CSMD1: variants seen among roughly 807,000 people sequenced by gnomAD.
The protein encoded by CSMD1 is CUB and Sushi multiple domains 1, also known as CUB and sushi domain-containing protein 1.
CSMD1 carries 213 observed loss-of-function variants against 417.5 expected under a neutral mutation model. The ratio of observed to expected loss-of-function variants is 0.51; its 90% CI spans 0.46 to 0.57. The LOEUF (loss-of-function observed/expected upper bound fraction) is 0.57. Among genes scored for constraint, CSMD1 ranks in the 20% least tolerant of loss-of-function variants. The probability of loss-of-function intolerance (pLI) is 0.00; values close to 1 mark genes in which losing one functional copy is unlikely to be tolerated. For synonymous variants in CSMD1, 2,862 were observed against 1,736.8 expected (o/e 1.65, Z -16.11); for missense variants, 6,923 against 4,529.7 (o/e 1.53, Z -15.17).
intron 3 of CSMD1, among the ~76,000 whole-genome samples, chr8:4,233,219 T>C (rs910399655): frequency 1.3e-5 from 2 of 152,226 alleles, no homozygotes; most frequent in African/African-American, 4.8e-5. Flanking sequence ...TTTTTTCTTT[T>C]TCTTTTTGAA....
At chr8:3,355,985 A>T (rs2117689690) in intron 21 of CSMD1, among the ~76,000 whole-genome samples, 1 of 152,304 alleles carries the variant, frequency 6.6e-6, no homozygotes, top group Non-Finnish European at 1.5e-5. Flanking sequence ...AAAACCCTAA[A>T]ATGAATAAAC....
intron 1 of CSMD1, among the ~76,000 whole-genome samples, chr8:4,704,352 G>A (rs1030837187): frequency 7.2e-5 from 11 of 152,288 alleles, no homozygotes; most frequent in Non-Finnish European, 1.3e-4. Flanking sequence ...TCTGGGACTT[G>A]ATTACAGTAC....
At chr8:3,310,042 A>C (rs1428829694) in intron 23 of CSMD1, among the ~76,000 whole-genome samples, 2 of 152,260 alleles carry the variant, frequency 1.3e-5, no homozygotes, top group East Asian at 3.8e-4. Flanking sequence ...CCTGGAATTC[A>C]AGAACAGAAG....
At chr8:3,431,221 C>T (rs1025209634) in intron 12 of CSMD1, among the ~76,000 whole-genome samples, 23 of 152,126 alleles carry the variant, frequency 1.5e-4, no homozygotes, top group African/African-American at 4.3e-4. Flanking sequence ...GACACAGGTC[C>T]ATGCAACAGC....
chr8:2,967,737 A>C (rs1349223088), intron 57 of CSMD1, among the ~76,000 whole-genome samples: 1 of 152,220 alleles, frequency 6.6e-6, no homozygotes, highest in African/African-American at 2.4e-5. Context: ...AACAATTTCA[A>C]ATCTGGCCTG....
intron 3 of CSMD1, among the ~76,000 whole-genome samples, chr8:4,376,546 T>C (rs567299668): frequency 5.5e-4 from 84 of 152,326 alleles, no homozygotes; most frequent in African/African-American, 2.0e-3. Flanking sequence ...TAATTTAATT[T>C]TATCTCATAT....
At chr8:4,317,415 C>T (rs536892041) in intron 3 of CSMD1, among the ~76,000 whole-genome samples, 54 of 152,228 alleles carry the variant, frequency 3.5e-4, no homozygotes, top group African/African-American at 1.2e-3. Flanking sequence ...GTTACAAAAC[C>T]AGTTAGTGTA....
At chr8:3,246,977 T>C (rs1799924824) in intron 26 of CSMD1, among the ~76,000 whole-genome samples, 1 of 152,176 alleles carries the variant, frequency 6.6e-6, no homozygotes. Flanking sequence ...GTAAGTGAAT[T>C]ATGTTAAGGC....
chr8:3,460,251 G>T (rs555673634), intron 12 of CSMD1, among the ~76,000 whole-genome samples: 1 of 152,290 alleles, frequency 6.6e-6, no homozygotes, highest in East Asian at 1.9e-4. Context: ...GTCCATAGAA[G>T]AATGATCCTT....
intron 49 of CSMD1, among the ~76,000 whole-genome samples, chr8:3,065,282 CATAGATAG>C (rs199836260): frequency 7.1e-6 from 1 of 140,352 alleles, no homozygotes; most frequent in Non-Finnish European, 1.5e-5. Context: ...GAATATGATA[CATAGATAG>C]ATAGATAGAT....
At chr8:4,759,654 A>T (rs1292831848) in intron 1 of CSMD1, among the ~76,000 whole-genome samples, 1 of 152,044 alleles carries the variant, frequency 6.6e-6, no homozygotes, top group Non-Finnish European at 1.5e-5. Flanking sequence ...TATAAGTGAG[A>T]ATATGTGGTG....
intron 5 of CSMD1, among the ~76,000 whole-genome samples, chr8:3,838,782 T>C (rs1440296557): frequency 1.9e-5 from 2 of 107,516 alleles, no homozygotes; most frequent in Admixed American, 2.4e-4. Context: ...TATAATAAAT[T>C]GATATTATAT....
At chr8:3,838,383 C>T (rs923448032) in intron 5 of CSMD1, among the ~76,000 whole-genome samples, 55 of 143,390 alleles carry the variant, frequency 3.8e-4, no homozygotes, top group African/African-American at 1.4e-3. Context: ...TATATATACG[C>T]ACTATATATA....
chr8:3,827,044 A>G (rs762268334), intron 5 of CSMD1, among the ~76,000 whole-genome samples: 4 of 152,094 alleles, frequency 2.6e-5, no homozygotes, highest in Non-Finnish European at 4.4e-5. Flanking sequence ...GGCCTTTTGA[A>G]GTGTTGACAT....
intron 3 of CSMD1, among the ~76,000 whole-genome samples, chr8:4,191,534 T>A (rs1294345987): frequency 2.0e-5 from 3 of 152,194 alleles, no homozygotes; most frequent in African/African-American, 7.2e-5. Context: ...AAAACATGTG[T>A]CTCATCTGAA....
At chr8:3,982,027 C>A (rs1361540423) in intron 5 of CSMD1, among the ~76,000 whole-genome samples, 1 of 151,790 alleles carries the variant, frequency 6.6e-6, no homozygotes, top group African/African-American at 2.4e-5. Flanking sequence ...AAAAATTAGC[C>A]TGGCGCGGTG....
chr8:4,970,249 G>T (rs781119701), intron 1 of CSMD1, among the ~76,000 whole-genome samples: 1 of 152,130 alleles, frequency 6.6e-6, no homozygotes, highest in Non-Finnish European at 1.5e-5. Context: ...AGCTGAGTAA[G>T]TTGTGAGTCT....
At chr8:4,801,930 G>A (rs914453585) in intron 1 of CSMD1, among the ~76,000 whole-genome samples, 1 of 152,146 alleles carries the variant, frequency 6.6e-6, no homozygotes, top group Non-Finnish European at 1.5e-5. Context: ...TGTGATTCAA[G>A]GTAACTGGTA....
intron 2 of CSMD1, among the ~76,000 whole-genome samples, chr8:4,425,080 T>C (rs1307918018): frequency 6.6e-6 from 1 of 152,098 alleles, no homozygotes; most frequent in Non-Finnish European, 1.5e-5. Context: ...TCTTGAAGTT[T>C]TACATATATA....
Sources: gnomAD v4.1 joint callset for allele counts (sites outside exome capture counted in the v4.1 genomes callset) on GRCh38, gnomAD v4.1.1 for gene constraint, MANE v1.5 for transcripts, NCBI Gene and HGNC (gene_info 2026-07-23, HGNC 2026-07-21) for gene names.